Variants in PLXNA4 observed in about 807,000 individuals in gnomAD.
The protein encoded by PLXNA4 is plexin-A4.
In PLXNA4, 44 loss-of-function variants were observed where a neutral mutation model predicts 191.8. That is an observed-to-expected ratio of 0.23 (90% CI 0.18 to 0.29). The LOEUF is 0.29. PLXNA4 is among the 10% of genes least tolerant of loss of function. The pLI, the probability that PLXNA4 is intolerant of heterozygous loss-of-function variation, is 1.00. For synonymous variants in PLXNA4, 1,082 were observed against 1,009.5 expected (o/e 1.07, Z -1.36); for missense variants, 1,800 against 2,488.8 (o/e 0.72, Z 5.89).
intron 2 of PLXNA4, among the ~76,000 whole-genome samples, chr7:132,605,867 G>A (rs1373824431): frequency 6.6e-5 from 10 of 152,144 alleles, no homozygotes; most frequent in African/African-American, 2.4e-4. Flanking sequence ...AGAGACTGGA[G>A]CCATGCAGAT....
chr7:132,277,207 T>C (rs1800313677), intron 4 of PLXNA4, among the ~76,000 whole-genome samples: 1 of 152,312 alleles, frequency 6.6e-6, no homozygotes, highest in South Asian at 2.1e-4. Flanking sequence ...TACTTGGCAC[T>C]GTGGCTTAAG....
intron 25 of PLXNA4, among the ~76,000 whole-genome samples, 199 bp from the exon 26 acceptor site, chr7:132,148,845 A>G (rs917033761): frequency 1.3e-5 from 2 of 152,200 alleles, no homozygotes; most frequent in African/African-American, 4.8e-5. Context: ...TCTAAGCCCA[A>G]CAAACTATGT....
intron 2 of PLXNA4, among the ~76,000 whole-genome samples, chr7:132,621,975 A>G (rs1803276540): frequency 6.6e-6 from 1 of 152,158 alleles, no homozygotes; most frequent in Non-Finnish European, 1.5e-5. Context: ...CTAAGTAGAT[A>G]GTAGTAGCAG....
intron 2 of PLXNA4, among the ~76,000 whole-genome samples, chr7:132,502,429 A>T (rs1264199227): frequency 6.6e-6 from 1 of 152,078 alleles, no homozygotes; most frequent in Non-Finnish European, 1.5e-5. Context: ...TGGTGGGTAA[A>T]CTCCAGAGTC....
intron 2 of PLXNA4, among the ~76,000 whole-genome samples, chr7:132,642,011 T>C (rs1422952928): frequency 6.6e-6 from 1 of 152,142 alleles, no homozygotes; most frequent in African/African-American, 2.4e-5. Flanking sequence ...AATAAATAAA[T>C]AAATTAGGAT....
At chr7:132,199,457 A>G (rs528579426) in intron 12 of PLXNA4, among the ~76,000 whole-genome samples, 1 of 152,296 alleles carries the variant, frequency 6.6e-6, no homozygotes, top group South Asian at 2.1e-4. Flanking sequence ...TCAAAAACCC[A>G]TGATTAAAAT....
At chr7:132,253,225 CT>C (rs1167263529) in intron 4 of PLXNA4, among the ~76,000 whole-genome samples, 3 of 126,752 alleles carry the variant, frequency 2.4e-5, no homozygotes, top group Non-Finnish European at 4.9e-5. Flanking sequence ...TTGAATTTTT[CT>C]TTTTTCTTTT....
chr7:132,197,495 A>G (rs1797289472), intron 13 of PLXNA4, among the ~76,000 whole-genome samples: 2 of 152,174 alleles, frequency 1.3e-5, no homozygotes, highest in African/African-American at 4.8e-5. Context: ...AAAATTCTCC[A>G]AATCACAATA....
chr7:132,469,487 A>G (rs913457703), intron 3 of PLXNA4, among the ~76,000 whole-genome samples: 13 of 152,122 alleles, frequency 8.5e-5, no homozygotes, highest in African/African-American at 3.1e-4. Context: ...CTGATGATTC[A>G]CCTGGTTGCT....
chr7:132,507,873 T>G lies in PLXNA4; in HGVS notation c.821A>C (p.Gln274Pro). The G allele has an allele frequency of 6.2e-7, 1 of 1,614,222 alleles. No homozygotes were observed. The highest frequency in any genetic ancestry group is 8.5e-7 in the Non-Finnish European group (1 of 1,180,042). Residue 274 changes from glutamine (Q) to proline (P), a missense_variant, in exon 2 of 32, where the codon CAG (glutamine) becomes CCG (proline). Gln to Pro is a moderately conservative substitution (Grantham distance 76). Around this residue, in one of 6 missense-constraint regions of PLXNA4, gnomAD observed 1,397 missense variants for 1,880.4 expected, o/e 0.74. Coordinates refer to ENST00000321063, the MANE Select transcript of PLXNA4 (RefSeq NM_020911.2). ...VSPPGSTTKE[Q>P]VYTSKLVRLC... The stretch of plus-strand genomic sequence containing the variant: ...CCTCACGAGCTTGGATGTATACACC[T>G]GCTCCTTGGTGGTGGAGCCTGGTGG...
At chr7:132,429,838 G>T (rs1795193080) in intron 3 of PLXNA4, among the ~76,000 whole-genome samples, 1 of 152,100 alleles carries the variant, frequency 6.6e-6, no homozygotes, top group East Asian at 1.9e-4. Flanking sequence ...ACATTGCCGT[G>T]GTAGGCCAGG....
At chr7:132,392,898 T>G (rs1016768196) in intron 3 of PLXNA4, among the ~76,000 whole-genome samples, 1 of 152,072 alleles carries the variant, frequency 6.6e-6, no homozygotes, top group African/African-American at 2.4e-5. Flanking sequence ...CCAGGAGCCC[T>G]AGGAGATGCC....
rs534249152 is a variant in PLXNA4 at position 132,485,889 on chromosome 7, C to T, written c.1371+3403G>A. 5.1e-4 allele frequency among the ~76,000 whole-genome samples: 78 copies of T among 152,248 alleles called. 1 individual carries two copies. The South Asian group carries it at 9.1e-3, about 18-fold the overall frequency. ...CGTGTGCACTAAAGGAGTGAAATTA[C>T]GGTCGTCAAAGACAAGGTTGCAAAT... On this transcript the variant is annotated intron_variant, in intron 3 of 31. Coordinates refer to ENST00000321063, the MANE Select transcript of PLXNA4 (RefSeq NM_020911.2).
chr7:132,607,432 G>A (rs1454738086), intron 2 of PLXNA4, among the ~76,000 whole-genome samples: 2 of 152,196 alleles, frequency 1.3e-5, no homozygotes, highest in South Asian at 2.1e-4. Flanking sequence ...CACAACAAAA[G>A]AGCAGCTGCA....
At chr7:132,498,105 A>C (rs539441294) in intron 2 of PLXNA4, among the ~76,000 whole-genome samples, 1 of 152,192 alleles carries the variant, frequency 6.6e-6, no homozygotes, top group Non-Finnish European at 1.5e-5. Context: ...CTGCCCAAAA[A>C]TAGAAGAGTA....
intron 2 of PLXNA4, among the ~76,000 whole-genome samples, chr7:132,597,165 A>C (rs892433223): frequency 6.6e-6 from 1 of 152,126 alleles, no homozygotes; most frequent in Non-Finnish European, 1.5e-5. Context: ...CAGAATTATC[A>C]TGCCTTTCCT....
At chr7:132,399,390 C>T (rs1486779060) in intron 3 of PLXNA4, among the ~76,000 whole-genome samples, 3 of 152,204 alleles carry the variant, frequency 2.0e-5, no homozygotes, top group Non-Finnish European at 4.4e-5. Flanking sequence ...AAGCACTGTT[C>T]CACGCTCTTT....
chr7:132,375,443 A>T (rs901337522), intron 3 of PLXNA4, among the ~76,000 whole-genome samples: 8 of 152,220 alleles, frequency 5.3e-5, no homozygotes, highest in Non-Finnish European at 1.0e-4. Context: ...AGTTCCACTC[A>T]TCAAAAGCAA....
chr7:132,530,024 A>C (rs1799565149), intron 1 of PLXNA4, among the ~76,000 whole-genome samples: 1 of 152,168 alleles, frequency 6.6e-6, no homozygotes. Flanking sequence ...GCTGGAAAGA[A>C]AGCCAGGGCC....
Sources: allele counts gnomAD v4.1 joint callset (sites outside exome capture counted in the v4.1 genomes callset), GRCh38; gene constraint gnomAD v4.1.1; regional missense constraint gnomAD v4.1.1; transcripts MANE v1.5; gene names NCBI Gene and HGNC (gene_info 2026-07-23, HGNC 2026-07-21).